The following IPO5 variants were observed in gnomAD, a reference collection of about 807,000 sequenced individuals.
IPO5 encodes the protein importin 5, also known as importin-5.
A neutral mutation model predicts 143.3 loss-of-function variants in IPO5; 18 were observed. The ratio of observed to expected loss-of-function variants is 0.13; its 90% CI spans 0.09 to 0.19. The LOEUF (loss-of-function observed/expected upper bound fraction) is 0.19. Ranked by LOEUF, IPO5 falls within the 10% of genes least tolerant of loss-of-function variation. The pLI, the probability that IPO5 is intolerant of heterozygous loss-of-function variation, is 1.00. For synonymous variants in IPO5, 477 were observed against 465.7 expected (o/e 1.02, Z -0.31); for missense variants, 1,013 against 1,336.9 (o/e 0.76, Z 3.78).
At chr13:98,020,393 A>T (rs1351687136) in intron 27 of IPO5, among the ~76,000 whole-genome samples, 2 of 152,258 alleles carry the variant, frequency 1.3e-5, no homozygotes, top group Non-Finnish European at 1.5e-5. Flanking sequence ...TCAGGTTCAC[A>T]TAAGAAATGG....
chr13:98,016,131 C>G (rs577283042), intron 24 of IPO5, among the ~76,000 whole-genome samples: 3 of 152,290 alleles, frequency 2.0e-5, no homozygotes, highest in Non-Finnish European at 2.9e-5. Flanking sequence ...TGCCTAGAGT[C>G]ACACTGTTGA....
intron 8 of IPO5, 23 bp from the exon 9 acceptor site, chr13:97,990,410 A>G: frequency 6.6e-7 from 1 of 1,525,762 alleles, no homozygotes; most frequent in Non-Finnish European, 9.0e-7. Context: ...CTCATGTTTG[A>G]CATTTTTTCC....
intron 11 of IPO5, among the ~76,000 whole-genome samples, chr13:97,996,964 G>A (rs923764591): frequency 1.3e-5 from 2 of 152,040 alleles, no homozygotes; most frequent in African/African-American, 2.4e-5. Context: ...GCTTGTCAAA[G>A]AAAAGATGTA....
chr13:97,994,616 T>C (rs1043380614), intron 11 of IPO5, among the ~76,000 whole-genome samples: 5 of 152,200 alleles, frequency 3.3e-5, no homozygotes, highest in African/African-American at 9.6e-5. Flanking sequence ...AGGGTTATGA[T>C]AGAACAATCC....
intron 2 of IPO5, among the ~76,000 whole-genome samples, chr13:97,968,293 G>A (rs1468503978): frequency 6.6e-6 from 1 of 152,178 alleles, no homozygotes; most frequent in Non-Finnish European, 1.5e-5. Flanking sequence ...TTGTTTTACA[G>A]CCTAACATAT....
In IPO5 at chr13:97,985,241, T is replaced by A. The variant is rs528549786; in HGVS notation, c.172-180T>A. ...GATTAGAAGTTCTCCTCACCTTAAG[T>A]ACAAATGGCTTATTTTGTGGCACTA... is the stretch of plus-strand genomic sequence containing the variant. On this transcript the variant is annotated intron_variant, in intron 5 of 28. Coordinates refer to ENST00000651721, the MANE Select transcript of IPO5 (RefSeq NM_002271.6). 2.0e-5 allele frequency among the ~76,000 whole-genome samples: 3 copies of A among 152,370 alleles called. No homozygotes were observed. In the South Asian group the frequency reaches 6.2e-4, roughly 32 times the overall value.
chr13:97,977,744 G>C (rs751429239), intron 4 of IPO5, among the ~76,000 whole-genome samples: 1 of 152,134 alleles, frequency 6.6e-6, no homozygotes, highest in African/African-American at 2.4e-5. Context: ...CGATTCTTGT[G>C]GGATACTTCC....
intron 5 of IPO5, 59 bp downstream of exon 5, chr13:97,982,642 T>A: frequency 9.3e-7 from 1 of 1,072,430 alleles, no homozygotes; most frequent in South Asian, 1.3e-5. Context: ...TAGATGATGA[T>A]CATAGTAGAA....
intron 2 of IPO5, among the ~76,000 whole-genome samples, chr13:97,965,867 G>A (rs1288056096): frequency 2.0e-5 from 3 of 151,744 alleles, no homozygotes; most frequent in Admixed American, 1.3e-4. Flanking sequence ...GGCCGGGCAC[G>A]GTGGCTCACG....
intron 11 of IPO5, among the ~76,000 whole-genome samples, chr13:97,996,953 T>C (rs1888345090): frequency 6.6e-6 from 1 of 152,198 alleles, no homozygotes; most frequent in African/African-American, 2.4e-5. Context: ...CCTAGACTCA[T>C]GCTTGTCAAA....
rs748431819 is a variant in IPO5 at position 98,015,554 on chromosome 13, T to C, written c.2350T>C (p.Cys784Arg). The C allele has an allele frequency of 1.9e-6, 3 of 1,607,902 alleles. No individual in the cohort carries two copies. The Admixed American group carries it at 5.0e-5, about 27-fold the overall frequency. ...GTGCATTGAAGTAATGGGAGATGGATGCCTTAATAATGAACACTTTGAAGA... is the reference window on the plus strand; with the variant it reads ...GTGCATTGAAGTAATGGGAGATGGACGCCTTAATAATGAACACTTTGAAGA... ...AKCIEVMGDG[C>R]LNNEHFEELG... The change falls in exon 23 of 29, where the codon TGC (cysteine) becomes CGC (arginine). Residue 784 changes from cysteine to arginine, a missense_variant. Physicochemically the swap from Cys to Arg is radical, Grantham distance 180. Coordinates refer to ENST00000651721, the MANE Select transcript of IPO5 (RefSeq NM_002271.6).
intron 3 of IPO5, among the ~76,000 whole-genome samples, chr13:97,970,909 C>G (rs1033919337): frequency 6.6e-6 from 1 of 152,202 alleles, no homozygotes; most frequent in African/African-American, 2.4e-5. Flanking sequence ...AGGTTGCAAT[C>G]TGTATTAGCA....
Position 98,010,162 on chromosome 13 carries a change from C to A in IPO5, c.1993C>A (p.Gln665Lys). The change falls in exon 20 of 29, where the codon CAG becomes AAG. Residue 665 changes from glutamine (Q) to lysine (K), a missense_variant. Around this residue, in one of 2 missense-constraint regions of IPO5, gnomAD observed 685 missense variants for 994.9 expected, o/e 0.69. Transcript: ENST00000651721. Reference protein sequence around the residue: ...DGWEFVNLGDQQSFGIKTAGL... With the variant: ...DGWEFVNLGDKQSFGIKTAGL... ...TTGGGAATTTGTGAACCTTGGAGAT[C>A]AGCAAAGCTTTGGTATTAAAACTGC... 1 of 1,614,032 alleles carries A rather than the reference C, an allele frequency of 6.2e-7. No homozygotes were observed. The highest frequency in any genetic ancestry group is 8.5e-7 in the Non-Finnish European group (1 of 1,179,916).
chr13:98,015,898 A>T, intron 24 of IPO5, 117 bp downstream of exon 24: 1 of 645,584 alleles, frequency 1.5e-6, no homozygotes. Context: ...AGTCTTTAGC[A>T]GAGGAGTCAG....
rs770833951 is a variant in IPO5, at chr13:98,000,525, GT to G, written c.1002-11del. 6.4e-7 allele frequency: 1 copy of G among 1,551,124 alleles called. No homozygotes were observed. The highest frequency in any genetic ancestry group is 8.9e-7 in the Non-Finnish European group (1 of 1,122,570). On this transcript the variant is annotated splice_polypyrimidine_tract_variant and intron_variant, in intron 12 of 28. Transcript: ENST00000651721. The stretch of plus-strand genomic sequence containing the variant: ...TCAGATATATTGAGTACATAATTCT[GT>G]TTATGTGTTTAGCAATGCAGTTGCA...
chr13:97,985,720 AT>A (rs1887284897), intron 6 of IPO5, 107 bp downstream of exon 6: 1 of 738,242 alleles, frequency 1.4e-6, no homozygotes, highest in African/African-American at 1.8e-5. Context: ...CCTGAGTACC[AT>A]TTATTCTGTT....
intron 5 of IPO5, among the ~76,000 whole-genome samples, chr13:97,983,229 GA>G (rs1313779934): frequency 6.6e-6 from 1 of 152,164 alleles, no homozygotes; most frequent in East Asian, 1.9e-4. Flanking sequence ...TTATTCTAAA[GA>G]AGTAAATTAG....
rs1323810300 is a variant in IPO5 at position 98,022,800 on chromosome 13, T to C, written c.*978T>C. 1 of 152,534 alleles carries C rather than the reference T, an allele frequency of 6.6e-6. No individual in the cohort carries two copies. The highest frequency in any genetic ancestry group is 1.5e-5 in the Non-Finnish European group (1 of 68,042). 9.4% of individuals were successfully genotyped at this position (152,534 alleles called of 1,614,324 possible). On this transcript the variant is annotated 3_prime_UTR_variant, in exon 29 of 29. Transcript: ENST00000651721. ...TAGTGTTTTCATTGCAAATTATAAT[T>C]GCTGTAGAGCCACACACAACTTTTG...
intron 2 of IPO5, among the ~76,000 whole-genome samples, chr13:97,963,841 C>T (rs1416781913): frequency 1.3e-5 from 2 of 152,178 alleles, no homozygotes; most frequent in South Asian, 2.1e-4. Context: ...TATTTCTCCA[C>T]AGCCTCGCCA....
Sources: gnomAD v4.1 joint callset for allele counts (sites outside exome capture counted in the v4.1 genomes callset) on GRCh38, gnomAD v4.1.1 for gene constraint, gnomAD v4.1.1 regional missense constraint, MANE v1.5 for transcripts, NCBI Gene and HGNC (gene_info 2026-07-23, HGNC 2026-07-21) for gene names.